The following TPD52 variants were observed in gnomAD, a reference collection of about 807,000 sequenced individuals.
The protein encoded by TPD52 is prostate and colon associated protein.
TPD52 carries 17 observed loss-of-function variants against 31.3 expected under a neutral mutation model. The ratio of observed to expected loss-of-function variants is 0.54; its 90% CI spans 0.37 to 0.82. TPD52 has a LOEUF of 0.82. Ranked by LOEUF, TPD52 falls within the 40% of genes least tolerant of loss-of-function variation. TPD52 has a pLI of 0.00. For synonymous variants in TPD52, 83 were observed against 89.6 expected (o/e 0.93, Z 0.42); for missense variants, 212 against 240.1 (o/e 0.88, Z 0.77).
intron 1 of TPD52, among the ~76,000 whole-genome samples, chr8:80,134,369 A>G (rs79148336): frequency 0.021 from 3,207 of 152,326 alleles, 119 homozygotes; most frequent in African/African-American, 0.074. Flanking sequence ...AAACATTCAT[A>G]TAGTACCTAA....
chr8:80,038,051 G>T lies in TPD52; in HGVS notation c.*65C>A. On this transcript the variant is annotated 3_prime_UTR_variant, in exon 8 of 8. Transcript: ENST00000518937. ...GTAGAAATTCATGGCAATGCATGTT[G>T]ACAAGATGTGCTTGGACCTCGCTTG... 1 of 1,583,096 alleles carries T rather than the reference G, an allele frequency of 6.3e-7. No individual in the cohort carries two copies. Among genetic ancestry groups the T allele is most frequent in the South Asian group, 1.1e-5 (1 of 88,846 alleles).
At chr8:80,108,165 C>T (rs972771234) in intron 1 of TPD52, among the ~76,000 whole-genome samples, 1 of 152,098 alleles carries the variant, frequency 6.6e-6, no homozygotes, top group South Asian at 2.1e-4. Context: ...CAAATGCTTT[C>T]GGCTCAAAGC....
rs569654782 is a variant in TPD52, at chr8:80,093,392, G to A, written c.20-28799C>T. ...GCTCTACAGGGGTGCATAAACACAA[G>A]CGACTGTCACAACCCTAAAAGGAAT... On this transcript the variant is annotated intron_variant, in intron 1 of 7. Coordinates refer to ENST00000518937, the MANE Select transcript of TPD52 (RefSeq NM_001025253.3). Among the ~76,000 whole-genome samples the A allele has an allele frequency of 1.4e-4, 21 of 152,240 alleles. No homozygotes were observed. In the South Asian group the frequency reaches 3.7e-3, roughly 27 times the overall value.
chr8:80,061,047 T>C (rs182109835), intron 2 of TPD52, among the ~76,000 whole-genome samples: 102 of 152,294 alleles, frequency 6.7e-4, no homozygotes, highest in Non-Finnish European at 1.1e-3. Flanking sequence ...GATGACATGA[T>C]TTCATATATA....
In TPD52 at chr8:80,037,524, A is replaced by G. The variant is rs1287924178; in HGVS notation, c.*592T>C. 6.6e-6 allele frequency: 1 copy of G among 152,242 alleles called. No homozygotes were observed. Among genetic ancestry groups the G allele is most frequent in the Non-Finnish European group, 1.5e-5 (1 of 68,042 alleles). 9.4% of individuals were successfully genotyped at this position (152,242 alleles called of 1,614,324 possible). A position where few individuals can be genotyped will look rare whatever the true frequency, so the allele number is the denominator to read the frequency against. On this transcript the variant is annotated 3_prime_UTR_variant, in exon 8 of 8. Coordinates refer to ENST00000518937, the MANE Select transcript of TPD52 (RefSeq NM_001025253.3). ...ACATATTGTTACTTACAAAACTATA[A>G]TAAATTGGATGCACAGCTGTTTACT...
rs921335719 is a variant in TPD52, at chr8:80,042,487, A to G, written c.504+133T>C. ...AACACCTTAAATGTCCACTAGTAAC[A>G]TAAGGAGTAAAGTTATTTACATTCT... On this transcript the variant is annotated intron_variant, in intron 7 of 7. Transcript: ENST00000518937. 15 of 1,446,968 alleles carry G rather than the reference A, an allele frequency of 1.0e-5. No homozygotes were observed. The African/African-American group carries it at 2.1e-4, about 21-fold the overall frequency. 89.6% of individuals were successfully genotyped at this position (1,446,968 alleles called of 1,614,324 possible).
chr8:80,043,335 C>G (rs1810554394), intron 6 of TPD52, among the ~76,000 whole-genome samples: 1 of 152,164 alleles, frequency 6.6e-6, no homozygotes, highest in Non-Finnish European at 1.5e-5. Flanking sequence ...GCGCCTTTGT[C>G]TCTCACAAAG....
At chr8:80,146,158 C>T (rs1810179292) in intron 1 of TPD52, among the ~76,000 whole-genome samples, 1 of 152,182 alleles carries the variant, frequency 6.6e-6, no homozygotes, top group South Asian at 2.1e-4. Context: ...CTGTATTTGG[C>T]TATACATACA....
intron 1 of TPD52, among the ~76,000 whole-genome samples, chr8:80,125,869 T>G (rs960408209): frequency 6.6e-6 from 1 of 152,312 alleles, no homozygotes; most frequent in East Asian, 1.9e-4. Context: ...CTGACAGCTG[T>G]AGGCTCTAAC....
intron 1 of TPD52, among the ~76,000 whole-genome samples, chr8:80,098,489 A>C (rs1161285882): frequency 6.6e-6 from 1 of 152,240 alleles, no homozygotes; most frequent in African/African-American, 2.4e-5. Flanking sequence ...GAGAGGCTTA[A>C]GACTTCAGTG....
chr8:80,098,165 C>T (rs1806470607), intron 1 of TPD52, among the ~76,000 whole-genome samples: 1 of 152,196 alleles, frequency 6.6e-6, no homozygotes, highest in Admixed American at 6.5e-5. Context: ...TCATCAAGAG[C>T]TCCGATGGAG....
intron 2 of TPD52, among the ~76,000 whole-genome samples, chr8:80,060,996 A>C (rs1160166993): frequency 6.6e-6 from 1 of 152,244 alleles, no homozygotes; most frequent in Non-Finnish European, 1.5e-5. Flanking sequence ...AATTAAAGGC[A>C]TTCAAATTGG....
At chr8:80,145,267 A>C (rs1810111130) in intron 1 of TPD52, among the ~76,000 whole-genome samples, 1 of 152,256 alleles carries the variant, frequency 6.6e-6, no homozygotes, top group Admixed American at 6.5e-5. Flanking sequence ...TTCTCCCACA[A>C]GGCTCAAAGA....
chr8:80,167,836 C>G (rs1811816760), intron 1 of TPD52, among the ~76,000 whole-genome samples: 1 of 152,120 alleles, frequency 6.6e-6, no homozygotes, highest in Admixed American at 6.5e-5. Context: ...TGTTTAAATT[C>G]AAACTAGTAT....
At chr8:80,136,056 G>A (rs1476470561) in intron 1 of TPD52, among the ~76,000 whole-genome samples, 7 of 134,496 alleles carry the variant, frequency 5.2e-5, no homozygotes, top group South Asian at 4.9e-4. Flanking sequence ...TGGGTGCAGC[G>A]CACCAGCATG....
chr8:80,105,130 G>A (rs1807012859), intron 1 of TPD52, among the ~76,000 whole-genome samples: 1 of 151,932 alleles, frequency 6.6e-6, no homozygotes, highest in African/African-American at 2.4e-5. Flanking sequence ...TTGTGATAGG[G>A]TCTCCCTCTG....
intron 1 of TPD52, among the ~76,000 whole-genome samples, chr8:80,137,103 A>G (rs1809487144): frequency 6.6e-6 from 1 of 152,254 alleles, no homozygotes; most frequent in Admixed American, 6.5e-5. Context: ...AGCACAATTA[A>G]ATACATGTTT....
At chr8:80,111,144 C>A (rs546453266) in intron 1 of TPD52, among the ~76,000 whole-genome samples, 12 of 152,238 alleles carry the variant, frequency 7.9e-5, no homozygotes, top group African/African-American at 2.9e-4. Flanking sequence ...CTCAAAAGTT[C>A]GAGGCTGCAG....
At chr8:80,105,871 A>G (rs562329621) in intron 1 of TPD52, among the ~76,000 whole-genome samples, 1 of 151,870 alleles carries the variant, frequency 6.6e-6, no homozygotes, top group African/African-American at 2.4e-5. Flanking sequence ...AGCTGGGATT[A>G]TAGGTGCTCA....
Sources: gnomAD v4.1 joint callset for allele counts (sites outside exome capture counted in the v4.1 genomes callset) on GRCh38, gnomAD v4.1.1 for gene constraint, MANE v1.5 for transcripts, NCBI Gene and HGNC (gene_info 2026-07-23, HGNC 2026-07-21) for gene names.